The following YPEL4 variants were observed in gnomAD, a reference collection of about 807,000 sequenced individuals.
YPEL4 encodes the protein yippee like 4.
A neutral mutation model predicts 16.3 loss-of-function variants in YPEL4; 5 were observed. The observed-to-expected ratio is 0.31, with a 90% CI of 0.16 to 0.64. YPEL4 has a LOEUF of 0.64. Among genes scored for constraint, YPEL4 ranks in the 30% least tolerant of loss-of-function variants. The probability of loss-of-function intolerance (pLI) is 0.79; values close to 1 mark genes in which losing one functional copy is unlikely to be tolerated. For synonymous variants in YPEL4, 61 were observed against 60.7 expected (o/e 1.00, Z -0.02); for missense variants, 127 against 170.0 (o/e 0.75, Z 1.41).
At chr11:57,646,528 C>G in intron 3 of YPEL4, 123 bp from the exon 4 acceptor site, 1 of 1,257,312 alleles carries the variant, frequency 8.0e-7, no homozygotes, top group Non-Finnish European at 1.1e-6. Context: ...TGATAATCCA[C>G]CCCTTTAAGA....
intron 3 of YPEL4, 64 bp from the exon 4 acceptor site, chr11:57,646,469 A>G: frequency 6.3e-7 from 1 of 1,587,700 alleles, no homozygotes; most frequent in Non-Finnish European, 8.6e-7. Flanking sequence ...CAGTCCCCAG[A>G]CAGCCCAAGG....
In YPEL4 at chr11:57,647,295, G is replaced by C. The variant is rs952706419; in HGVS notation, c.-184-4C>G. The C allele has an allele frequency of 4.0e-6, 3 of 746,580 alleles. No homozygotes were observed. In the East Asian group the frequency reaches 9.1e-5, roughly 23 times the overall value. 46.2% of individuals were successfully genotyped at this position (746,580 alleles called of 1,614,324 possible). ...ACCAGATAGAAATAGAAGTCACCTG[G>C]GAAGAGGGGAAAGGACATCAGGGGA... On this transcript the variant is annotated splice_region_variant and splice_polypyrimidine_tract_variant and intron_variant, in intron 1 of 4. Transcript: ENST00000300022. The surrounding 1 kb of genome is among the most constrained non-coding windows in gnomAD (Gnocchi z 4.2).
At chr11:57,646,133 C>T in intron 4 of YPEL4, 63 bp from the exon 5 acceptor site, 4 of 1,592,234 alleles carry the variant, frequency 2.5e-6, no homozygotes, top group Non-Finnish European at 3.4e-6. Context: ...CCACTGTCAC[C>T]TGTATGGCCC....
chr11:57,646,208 T>C (rs945675205), intron 4 of YPEL4, 89 bp downstream of exon 4: 1 of 1,577,596 alleles, frequency 6.3e-7, no homozygotes, highest in Non-Finnish European at 8.7e-7. Flanking sequence ...CTTTGGACCA[T>C]GCAAGGAAGG....
At chr11:57,649,579 AG>A (rs1945767545) in intron 1 of YPEL4, 105 bp downstream of exon 1, 1 of 152,262 alleles carries the variant, frequency 6.6e-6, no homozygotes, top group African/African-American at 2.4e-5. Context: ...GGGAGGACAA[AG>A]GGTGGATGAA....
In YPEL4 at chr11:57,645,827, T is replaced by G; in HGVS notation, c.*154A>C. ...ACCCCCAGACCCCTGTTCTAAAGGG[T>G]GCCTGGTAGTGGATATGGTGGAGGC... On this transcript the variant is annotated 3_prime_UTR_variant, in exon 5 of 5. Transcript: ENST00000300022. The G allele has an allele frequency of 2.9e-6, 2 of 692,452 alleles. No homozygotes were observed. The highest frequency in any genetic ancestry group is 2.7e-5 in the Admixed American group (1 of 36,774). 42.9% of individuals were successfully genotyped at this position (692,452 alleles called of 1,614,324 possible).
intron 4 of YPEL4, 109 bp downstream of exon 4, chr11:57,646,184 GTTCT>G (rs571264240): frequency 0.014 from 21,771 of 1,564,424 alleles, 200 homozygotes; most frequent in Non-Finnish European, 0.017. Context: ...CCAGTGACTA[GTTCT>G]TTCTTTCCTC....
chr11:57,646,436 C>G lies in YPEL4; in HGVS notation c.186-31G>C, dbSNP rs756724062. 4.3e-6 allele frequency: 7 copies of G among 1,612,648 alleles called. No individual in the cohort carries two copies. The African/African-American group carries it at 9.3e-5, about 22-fold the overall frequency. ...TCAGGAAACAGGAAGGACCCAGCAC[C>G]CAGTGGGGTTGCACTGTCAGTCCAG... On this transcript the variant is annotated intron_variant, in intron 3 of 4. Coordinates refer to ENST00000300022, the MANE Select transcript of YPEL4 (RefSeq NM_145008.3).
At position 57,646,956 on chromosome 11, in the gene YPEL4, G is replaced by C. The variant is rs199739908; in HGVS notation, c.141+11C>G. 6.4e-7 allele frequency: 1 copy of C among 1,566,702 alleles called. No homozygotes were observed. Among genetic ancestry groups the C allele is most frequent in the Non-Finnish European group, 8.7e-7 (1 of 1,154,406 alleles). ...GAGAGGAGGGGAATGGCAGGTCCCC[G>C]CTTCGCGTACCTTGGAAATAAGCTC... On this transcript the variant is annotated intron_variant, in intron 2 of 4. Coordinates refer to ENST00000300022, the MANE Select transcript of YPEL4 (RefSeq NM_145008.3).
At chr11:57,646,606 T>C in intron 3 of YPEL4, 145 bp downstream of exon 3, 2 of 1,331,428 alleles carry the variant, frequency 1.5e-6, no homozygotes, top group Non-Finnish European at 2.1e-6. Flanking sequence ...ATGTGAGAAC[T>C]TCAGATTGAG....
At position 57,647,024 on chromosome 11, in the gene YPEL4, A is replaced by C; in HGVS notation, c.84T>G (p.Thr28=). Residue 28 remains threonine, a synonymous_variant, in exon 2 of 5, where the codon ACT becomes ACG. Coordinates refer to ENST00000300022, the MANE Select transcript of YPEL4 (RefSeq NM_145008.3). The surrounding 1 kb of genome is among the most constrained non-coding windows in gnomAD (Gnocchi z 4.2). ...FRSYLPRCHR[T]YSCVHCRAHL... ...GTGCACGGCAGTGGACACAGCTGTA[A>C]GTGCGGTGACAGCGGGGCAGATAGC... 1 of 1,599,858 alleles carries C rather than the reference A, an allele frequency of 6.3e-7. No homozygotes were observed. Among genetic ancestry groups the C allele is most frequent in the East Asian group, 2.2e-5 (1 of 44,526 alleles).
rs1945739842 is a variant in YPEL4, at chr11:57,647,061, TTGG to T, written c.44_46del (p.Thr15del). The T allele has an allele frequency of 6.3e-7, 1 of 1,596,796 alleles. No homozygotes were observed. Among genetic ancestry groups the T allele is most frequent in the Non-Finnish European group, 8.5e-7 (1 of 1,173,080 alleles). Reference sequence around the variant, plus strand: ...GCGGGGCAGATAGCTGCGGAAAGTCTTGGTGGGGAGGCAGGCAGGGCCCGGACC... The same window carrying T: ...GCGGGGCAGATAGCTGCGGAAAGTCTTGGGGAGGCAGGCAGGGCCCGGACC... On this transcript the variant is annotated inframe_deletion, in exon 2 of 5. Coordinates refer to ENST00000300022, the MANE Select transcript of YPEL4 (RefSeq NM_145008.3). This position sits in a 1 kb window ranked among gnomAD's most constrained non-coding sequence, Gnocchi z 4.2.
chr11:57,646,938 G>A (rs1945737189), intron 2 of YPEL4, 29 bp downstream of exon 2: 1 of 1,571,596 alleles, frequency 6.4e-7, no homozygotes, highest in Non-Finnish European at 8.6e-7. Context: ...CGCGAGAGGA[G>A]GGGAATGGCA....
At chr11:57,649,534 C>G (rs1370417969) in intron 1 of YPEL4, 151 bp downstream of exon 1, 2 of 151,526 alleles carry the variant, frequency 1.3e-5, no homozygotes, top group Middle Eastern at 2.9e-3. Context: ...ATGGAGGAAC[C>G]GAGAGAGAGG....
chr11:57,646,474 C>T, intron 3 of YPEL4, 69 bp from the exon 4 acceptor site: 1 of 1,563,682 alleles, frequency 6.4e-7, no homozygotes, highest in East Asian at 2.2e-5. Context: ...CCCAGACAGC[C>T]CAAGGGAACT....
chr11:57,646,679 T>G (rs1436789449), intron 3 of YPEL4, 72 bp downstream of exon 3: 1 of 1,588,794 alleles, frequency 6.3e-7, no homozygotes, highest in Non-Finnish European at 8.6e-7. Flanking sequence ...GATTCCCCCC[T>G]TTCTCCACAG....
rs1231047393 is a variant in YPEL4 at position 57,645,438 on chromosome 11, G to A, written c.*543C>T. ...TATTTTACTATTTCCCAGGGCCTGG[G>A]ATTTGAGTTTTCCCTGCACTCAAGT... On this transcript the variant is annotated 3_prime_UTR_variant, in exon 5 of 5. Coordinates refer to ENST00000300022, the MANE Select transcript of YPEL4 (RefSeq NM_145008.3). 6.5e-6 allele frequency: 1 copy of A among 153,964 alleles called. No homozygotes were observed. The highest frequency in any genetic ancestry group is 6.4e-5 in the Admixed American group (1 of 15,564). The allele number at this position is 153,964 out of a possible 1,614,324, so 9.5% of individuals were successfully genotyped here. A position where few individuals can be genotyped will look rare whatever the true frequency, so the allele number is the denominator to read the frequency against.
chr11:57,646,854 C>G, intron 2 of YPEL4, 60 bp from the exon 3 acceptor site: 1 of 1,607,804 alleles, frequency 6.2e-7, no homozygotes, highest in Non-Finnish European at 8.5e-7. Context: ...CTGCCTGAAT[C>G]CCCGCAGGGG....
rs1012092843 is a variant in YPEL4 at position 57,645,790 on chromosome 11, C to G, written c.*191G>C. 3 of 600,366 alleles carry G rather than the reference C, an allele frequency of 5.0e-6. No individual in the cohort carries two copies. In the African/African-American group the frequency reaches 5.6e-5, roughly 11 times the overall value. The allele number at this position is 600,366 out of a possible 1,614,324, so 37.2% of individuals were successfully genotyped here. The stretch of plus-strand genomic sequence containing the variant: ...ACTGCTGCCCACTCCTGAGCCTTAA[C>G]ACCCCTGGGGTACCCCCAGACCCCT... On this transcript the variant is annotated 3_prime_UTR_variant, in exon 5 of 5. Transcript: ENST00000300022.
Sources: allele counts gnomAD v4.1 joint callset, GRCh38; gene constraint gnomAD v4.1.1; non-coding constraint Gnocchi (gnomAD v3.1); transcripts MANE v1.5; gene names NCBI Gene and HGNC (gene_info 2026-07-23, HGNC 2026-07-21).